MYEF2: variants seen among roughly 807,000 people sequenced by gnomAD.
MYEF2 encodes the protein myelin expression factor 2.
MYEF2 carries 37 observed loss-of-function variants against 75.2 expected under a neutral mutation model. The observed-to-expected ratio is 0.49, with a 90% CI of 0.38 to 0.65. The LOEUF (loss-of-function observed/expected upper bound fraction) is 0.65. Among genes scored for constraint, MYEF2 ranks in the 30% least tolerant of loss-of-function variants. The pLI is 0.00. For missense variants in MYEF2, 634 were observed against 771.4 expected, an observed-to-expected ratio of 0.82 and a Z score of 2.11; for synonymous variants, 195 against 241.6, an observed-to-expected ratio of 0.81 and a Z score of 1.79.
intron 6 of MYEF2, 88 bp from the exon 7 acceptor site, chr15:48,159,010 C>T: frequency 9.4e-7 from 1 of 1,065,520 alleles, no homozygotes; most frequent in Middle Eastern, 2.1e-4. Flanking sequence ...ACTCTTAAAA[C>T]CATAAAGAAC....
At position 48,142,555 on chromosome 15, in the gene MYEF2, G is replaced by T. The variant is rs555752136; in HGVS notation, c.*353C>A. The stretch of plus-strand genomic sequence containing the variant: ...ATTACATATTATAAAACAGAAGTTT[G>T]GGGGGAAAAAATCTATGTTTTACCA... On this transcript the variant is annotated 3_prime_UTR_variant, in exon 17 of 17. Coordinates refer to ENST00000324324, the MANE Select transcript of MYEF2 (RefSeq NM_016132.5). 3 of 481,848 alleles carry T rather than the reference G, an allele frequency of 6.2e-6. No homozygotes were observed. Among genetic ancestry groups the T allele is most frequent in the African/African-American group, 2.0e-5 (1 of 50,478 alleles). The allele number at this position is 481,848 out of a possible 1,614,324, so 29.8% of individuals were successfully genotyped here. A position where few individuals can be genotyped will look rare whatever the true frequency, so the allele number is the denominator to read the frequency against.
chr15:48,152,915 T>C (rs574580725), intron 10 of MYEF2: 57 of 152,378 alleles, frequency 3.7e-4, no homozygotes, highest in African/African-American at 1.3e-3. Context: ...TCACAAAGTA[T>C]GGTCCAGGGA....
chr15:48,142,256 G>C lies in MYEF2; in HGVS notation c.*652C>G. 2.5e-6 allele frequency: 4 copies of C among 1,613,322 alleles called. No homozygotes were observed. Among genetic ancestry groups the C allele is most frequent in the South Asian group, 1.1e-5 (1 of 91,062 alleles). On this transcript the variant is annotated 3_prime_UTR_variant, in exon 17 of 17. Coordinates refer to ENST00000324324, the MANE Select transcript of MYEF2 (RefSeq NM_016132.5). ...GAAACTAGACAGAAAGTTGGGAATA[G>C]TCTGCCTATTATCATACTTGGGGCT...
intron 10 of MYEF2, 134 bp from the exon 11 acceptor site, chr15:48,152,418 G>C (rs967279619): frequency 5.5e-6 from 4 of 723,330 alleles, no homozygotes; most frequent in Non-Finnish European, 9.3e-6. Flanking sequence ...TAGGGTACAG[G>C]AGGCATGGTT....
intron 16 of MYEF2, among the ~76,000 whole-genome samples, chr15:48,145,193 A>G (rs955900696): frequency 2.0e-5 from 3 of 151,852 alleles, no homozygotes; most frequent in African/African-American, 7.2e-5. Context: ...TAGCCCATAA[A>G]TATTTGTTTT....
At chr15:48,177,111 G>A (rs2040558712) in intron 1 of MYEF2, among the ~76,000 whole-genome samples, 1 of 152,180 alleles carries the variant, frequency 6.6e-6, no homozygotes, top group Non-Finnish European at 1.5e-5. Flanking sequence ...AGGCATAACA[G>A]AGAAGGAAAA....
At chr15:48,150,267 G>A (rs1302920961) in intron 14 of MYEF2, among the ~76,000 whole-genome samples, 1 of 152,056 alleles carries the variant, frequency 6.6e-6, no homozygotes, top group Non-Finnish European at 1.5e-5. Flanking sequence ...AGGTAAGGAA[G>A]TTAGGACTAA....
At chr15:48,146,958 G>A (rs2039306695) in intron 16 of MYEF2, among the ~76,000 whole-genome samples, 2 of 151,806 alleles carry the variant, frequency 1.3e-5, no homozygotes, top group African/African-American at 2.4e-5. Context: ...GGGAGATATA[G>A]GGAATTGTGT....
At position 48,137,432 on chromosome 15, in the gene MYEF2, G is replaced by T. The variant is rs144361552; in HGVS notation, c.*5476C>A. 4.6e-5 allele frequency: 7 copies of T among 152,742 alleles called. No individual in the cohort carries two copies. Among genetic ancestry groups the T allele is most frequent in the African/African-American group, 1.7e-4 (7 of 41,584 alleles). The allele number at this position is 152,742 out of a possible 1,614,324, so 9.5% of individuals were successfully genotyped here. A position where few individuals can be genotyped will look rare whatever the true frequency, so the allele number is the denominator to read the frequency against. ...GGAGAGGAAAGGTAGAAAGGAATAG[G>T]ATAAGAAGAATCTTAAATGCTATTT... On this transcript the variant is annotated 3_prime_UTR_variant, in exon 17 of 17. Transcript: ENST00000324324.
chr15:48,171,098 T>C (rs922762444), intron 1 of MYEF2, among the ~76,000 whole-genome samples: 5 of 152,186 alleles, frequency 3.3e-5, no homozygotes, highest in Non-Finnish European at 5.9e-5. Flanking sequence ...CTTTTGAAAA[T>C]GGCAGCAAGC....
chr15:48,158,735 C>T, intron 7 of MYEF2, 34 bp downstream of exon 7: 1 of 1,611,706 alleles, frequency 6.2e-7, no homozygotes, highest in Non-Finnish European at 8.5e-7. Context: ...CTTCTTCAAC[C>T]TCATAAACAA....
In MYEF2 at chr15:48,141,925, C is replaced by T. The variant is rs1050390543; in HGVS notation, c.*983G>A. On this transcript the variant is annotated 3_prime_UTR_variant, in exon 17 of 17. Coordinates refer to ENST00000324324, the MANE Select transcript of MYEF2 (RefSeq NM_016132.5). ...TTGCTCTAACAACAATTTTTCAAAA[C>T]GAATCAACAACAAAAAAGTATCCAG... is the stretch of plus-strand genomic sequence containing the variant. 7.0e-5 allele frequency: 62 copies of T among 885,082 alleles called. No individual in the cohort carries two copies. Among genetic ancestry groups the T allele is most frequent in the Admixed American group, 1.1e-4 (4 of 37,556 alleles). 54.8% of individuals were successfully genotyped at this position (885,082 alleles called of 1,614,324 possible).
intron 5 of MYEF2, 66 bp downstream of exon 5, chr15:48,165,867 T>C: frequency 8.2e-7 from 1 of 1,215,304 alleles, no homozygotes; most frequent in Non-Finnish European, 1.2e-6. Flanking sequence ...TATTACCAAA[T>C]TGAAAATCCA....
At chr15:48,173,440 G>A (rs986218283) in intron 1 of MYEF2, among the ~76,000 whole-genome samples, 41 of 152,114 alleles carry the variant, frequency 2.7e-4, no homozygotes, top group Non-Finnish European at 8.8e-5. Flanking sequence ...AGGAAAAAGA[G>A]AAGATGCCCA....
intron 12 of MYEF2, 139 bp from the exon 13 acceptor site, chr15:48,151,710 A>C: frequency 8.9e-7 from 1 of 1,127,848 alleles, no homozygotes; most frequent in Non-Finnish European, 1.3e-6. Flanking sequence ...TTTACCTCAC[A>C]TGCCACACAT....
At chr15:48,176,415 A>C (rs1431684906) in intron 1 of MYEF2, among the ~76,000 whole-genome samples, 1 of 152,170 alleles carries the variant, frequency 6.6e-6, no homozygotes, top group Admixed American at 6.5e-5. Flanking sequence ...ATCTGTATTT[A>C]CTAGTAATAT....
chr15:48,158,247 T>G (rs1183840985), intron 7 of MYEF2, 23 bp from the exon 8 acceptor site: 9 of 1,609,200 alleles, frequency 5.6e-6, no homozygotes, highest in South Asian at 5.5e-5. Context: ...TCAAGGAAAG[T>G]CAGTTAAGAT....
chr15:48,161,907 A>G (rs964534061), intron 5 of MYEF2, among the ~76,000 whole-genome samples: 1 of 149,728 alleles, frequency 6.7e-6, no homozygotes, highest in African/African-American at 2.4e-5. Context: ...ACCTAATTTA[A>G]TCCTCAAAAT....
intron 16 of MYEF2, among the ~76,000 whole-genome samples, chr15:48,146,972 T>A (rs898543910): frequency 1.3e-5 from 2 of 151,910 alleles, no homozygotes; most frequent in African/African-American, 4.8e-5. Flanking sequence ...ATTGTGTAAA[T>A]ATGGTATTAT....
Sources: allele counts gnomAD v4.1 joint callset (sites outside exome capture counted in the v4.1 genomes callset), GRCh38; gene constraint gnomAD v4.1.1; transcripts MANE v1.5; gene names NCBI Gene and HGNC (gene_info 2026-07-23, HGNC 2026-07-21).